The following NIBAN1 variants were observed in gnomAD, a reference collection of about 807,000 sequenced individuals.
NIBAN1 encodes the protein niban apoptosis regulator 1.
NIBAN1 carries 81 observed loss-of-function variants against 75.1 expected under a neutral mutation model. That is an observed-to-expected ratio of 1.08 (90% CI 0.90 to 1.30). The LOEUF is 1.30. NIBAN1 is among the 50% of genes most tolerant of loss of function. The probability of loss-of-function intolerance (pLI) is 0.00; values close to 1 mark genes in which losing one functional copy is unlikely to be tolerated. For missense variants in NIBAN1, 1,133 were observed against 1,128.1 expected, an observed-to-expected ratio of 1.00 and a Z score of -0.06; for synonymous variants, 436 against 424.8, an observed-to-expected ratio of 1.03 and a Z score of -0.32.
chr1:184,910,240 C>T (rs942048617), intron 1 of NIBAN1, among the ~76,000 whole-genome samples: 2 of 152,088 alleles, frequency 1.3e-5, no homozygotes, highest in African/African-American at 4.8e-5. Flanking sequence ...CCACTACATT[C>T]CACAATCCAC....
intron 1 of NIBAN1, among the ~76,000 whole-genome samples, chr1:184,943,435 T>A (rs949182270): frequency 1.3e-5 from 2 of 152,188 alleles, no homozygotes; most frequent in Non-Finnish European, 2.9e-5. Context: ...AATGCACCAA[T>A]GCCATTTCTT....
At chr1:184,823,388 C>T (rs1654757117) in intron 7 of NIBAN1, 59 bp from the exon 8 acceptor site, 1 of 1,588,360 alleles carries the variant, frequency 6.3e-7, no homozygotes, top group Non-Finnish European at 8.6e-7. Flanking sequence ...CTGATGGAGT[C>T]AAGTGGAGGG....
chr1:184,929,707 G>A (rs1039030056), intron 1 of NIBAN1, among the ~76,000 whole-genome samples: 1 of 151,726 alleles, frequency 6.6e-6, no homozygotes, highest in Non-Finnish European at 1.5e-5. Context: ...TTTAAATTTT[G>A]GTTTTTTTCT....
At chr1:184,862,735 A>G (rs919864537) in intron 5 of NIBAN1, among the ~76,000 whole-genome samples, 2 of 152,160 alleles carry the variant, frequency 1.3e-5, no homozygotes, top group Non-Finnish European at 2.9e-5. Flanking sequence ...AAAAGAAACA[A>G]ATCTCCCTTT....
At position 184,930,235 on chromosome 1, in the gene NIBAN1, T is replaced by C. The variant is rs74132075; in HGVS notation, c.56-30926A>G. ...AAAAATGGATAGGGTACGACTCAAA[T>C]CTATCCATTTTGCAAATGATCGGCA... On this transcript the variant is annotated intron_variant, in intron 1 of 13. Transcript: ENST00000367511. Among the ~76,000 whole-genome samples, 538 of 152,246 alleles carry C rather than the reference T, an allele frequency of 3.5e-3. 1 individual carries two copies. Among genetic ancestry groups the C allele is most frequent in the African/African-American group, 0.012 (510 of 41,536 alleles).
At position 184,899,133 on chromosome 1, in the gene NIBAN1, C is replaced by A. The variant is rs373139838; in HGVS notation, c.186+46G>T. On this transcript the variant is annotated intron_variant, in intron 2 of 13. Transcript: ENST00000367511. ...TCAGAAATACGGCTGTGCTATATAG[C>A]CTTCTTCAAGGGGAAATACATGTAA... is the stretch of plus-strand genomic sequence containing the variant. 1.4e-5 allele frequency: 22 copies of A among 1,607,444 alleles called. No individual in the cohort carries two copies. In the African/African-American group the frequency reaches 2.3e-4, roughly 17 times the overall value.
intron 5 of NIBAN1, among the ~76,000 whole-genome samples, chr1:184,884,167 C>G (rs1333620748): frequency 6.6e-6 from 1 of 151,688 alleles, no homozygotes; most frequent in African/African-American, 2.4e-5. Context: ...ACAGAACTCT[C>G]CCTTTACCTG....
intron 1 of NIBAN1, among the ~76,000 whole-genome samples, chr1:184,968,615 C>G (rs1368465909): frequency 6.6e-6 from 1 of 152,162 alleles, no homozygotes. Context: ...ATAATCTTTA[C>G]CCACTTTCTA....
At chr1:184,913,831 A>G (rs1278443641) in intron 1 of NIBAN1, among the ~76,000 whole-genome samples, 1 of 152,222 alleles carries the variant, frequency 6.6e-6, no homozygotes, top group Non-Finnish European at 1.5e-5. Context: ...CTCTTGAACC[A>G]GGTGAACTTC....
intron 5 of NIBAN1, among the ~76,000 whole-genome samples, chr1:184,880,456 T>G (rs1656348646): frequency 6.6e-6 from 1 of 152,216 alleles, no homozygotes; most frequent in Non-Finnish European, 1.5e-5. Flanking sequence ...CTAATATGCA[T>G]CACAAAGCCC....
intron 5 of NIBAN1, among the ~76,000 whole-genome samples, chr1:184,843,544 C>T (rs559148272): frequency 2.0e-5 from 3 of 152,300 alleles, no homozygotes; most frequent in Middle Eastern, 3.4e-3. Flanking sequence ...TTTCCATACA[C>T]CTGAAAGAGT....
At chr1:184,951,148 C>T (rs1259141158) in intron 1 of NIBAN1, among the ~76,000 whole-genome samples, 2 of 152,206 alleles carry the variant, frequency 1.3e-5, no homozygotes, top group African/African-American at 4.8e-5. Flanking sequence ...GGACCATGTG[C>T]ATTAAATATT....
At chr1:184,905,852 C>A (rs1222415375) in intron 1 of NIBAN1, among the ~76,000 whole-genome samples, 1 of 152,102 alleles carries the variant, frequency 6.6e-6, no homozygotes, top group Non-Finnish European at 1.5e-5. Flanking sequence ...AAGAGTAAAC[C>A]AAATTACAAT....
At chr1:184,934,247 TTA>T (rs1408521987) in intron 1 of NIBAN1, among the ~76,000 whole-genome samples, 3 of 152,204 alleles carry the variant, frequency 2.0e-5, no homozygotes, top group African/African-American at 7.2e-5. Context: ...ATATTCTTAC[TTA>T]TAAGTGGGAA....
At chr1:184,838,109 T>C (rs866378516) in intron 5 of NIBAN1, among the ~76,000 whole-genome samples, 60 of 152,362 alleles carry the variant, frequency 3.9e-4, no homozygotes, top group African/African-American at 1.3e-3. Context: ...CACTGTTGAC[T>C]CCTGTCTTTC....
chr1:184,884,878 G>A (rs1451859306), intron 4 of NIBAN1, 78 bp from the exon 5 acceptor site: 3 of 1,516,004 alleles, frequency 2.0e-6, no homozygotes, highest in African/African-American at 1.4e-5. Flanking sequence ...GGTCGTGAGG[G>A]TGACTATCTG....
At chr1:184,912,445 G>A (rs1657265861) in intron 1 of NIBAN1, among the ~76,000 whole-genome samples, 2 of 152,010 alleles carry the variant, frequency 1.3e-5, no homozygotes, top group African/African-American at 4.8e-5. Context: ...AAGTGGCTGC[G>A]CAATTCACAT....
intron 1 of NIBAN1, among the ~76,000 whole-genome samples, chr1:184,965,435 A>G (rs1425283740): frequency 1.3e-5 from 2 of 152,220 alleles, no homozygotes; most frequent in African/African-American, 4.8e-5. Context: ...GGTTGATTCC[A>G]TATCTTTGCT....
chr1:184,822,548 C>A (rs1654731744), intron 8 of NIBAN1, among the ~76,000 whole-genome samples: 2 of 152,148 alleles, frequency 1.3e-5, no homozygotes, highest in Non-Finnish European at 2.9e-5. Context: ...CAATCCCACT[C>A]CTGTGGGTCC....
Sources: gnomAD v4.1 joint callset for allele counts (sites outside exome capture counted in the v4.1 genomes callset) on GRCh38, gnomAD v4.1.1 for gene constraint, MANE v1.5 for transcripts, NCBI Gene and HGNC (gene_info 2026-07-23, HGNC 2026-07-21) for gene names.